SS18: variants seen among roughly 807,000 people sequenced by gnomAD.
SS18 encodes SS18 subunit of BAF chromatin remodeling complex.
Under a neutral mutation model 72.5 loss-of-function variants are expected in SS18, and 28 were observed. The ratio of observed to expected loss-of-function variants is 0.39; its 90% confidence interval spans 0.29 to 0.53. SS18 has a LOEUF of 0.53. Ranked by LOEUF, SS18 falls within the 20% of genes least tolerant of loss-of-function variation. The pLI, the probability that SS18 is intolerant of heterozygous loss-of-function variation, is 0.76. For missense variants in SS18, 518 were observed against 535.3 expected, an observed-to-expected ratio of 0.97 and a Z score of 0.32; for synonymous variants, 172 against 164.2, an observed-to-expected ratio of 1.05 and a Z score of -0.37.
intron 3 of SS18, among the ~76,000 whole-genome samples, chr18:26,065,821 A>ATATATATATATATATATATG (rs1446929470): frequency 1.4e-5 from 2 of 139,460 alleles, no homozygotes; most frequent in Non-Finnish European, 3.1e-5. Flanking sequence ...ATATATATAT[A>ATATATATATATATATATATG]TATGATCATT....
intron 3 of SS18, among the ~76,000 whole-genome samples, chr18:26,063,566 TAAA>T (rs2054162747): frequency 6.6e-6 from 1 of 152,004 alleles, no homozygotes; most frequent in Non-Finnish European, 1.5e-5. Flanking sequence ...AAATTATTCA[TAAA>T]AGAAGAAATC....
At chr18:26,063,685 T>G (rs545103047) in intron 3 of SS18, among the ~76,000 whole-genome samples, 147 of 152,188 alleles carry the variant, frequency 9.7e-4, no homozygotes, top group Admixed American at 4.0e-3. Context: ...AGCTTTAAAA[T>G]GCATATTTAC....
intron 10 of SS18, among the ~76,000 whole-genome samples, chr18:26,024,200 C>T (rs972461973): frequency 3.9e-5 from 6 of 152,058 alleles, no homozygotes; most frequent in South Asian, 2.1e-4. Flanking sequence ...TATTTGAAAA[C>T]GAAATTACAG....
At position 26,066,608 on chromosome 18, in the gene SS18, A is replaced by G. The variant is rs867772075; in HGVS notation, c.232-8866T>C. Among the ~76,000 whole-genome samples, 483 of 151,456 alleles carry G rather than the reference A, an allele frequency of 3.2e-3. 1 individual carries two copies. Among genetic ancestry groups the G allele is most frequent in the African/African-American group, 7.9e-3 (329 of 41,434 alleles). ...TAGTTCTGGAAATTTGTGCACACACACACACACACACACACACACACATTT... is the reference window on the plus strand; with the variant it reads ...TAGTTCTGGAAATTTGTGCACACACGCACACACACACACACACACACATTT... On this transcript the variant is annotated intron_variant, in intron 3 of 10. Transcript: ENST00000415083.
intron 5 of SS18, 71 bp downstream of exon 5, chr18:26,052,553 T>C: frequency 7.9e-7 from 1 of 1,270,314 alleles, no homozygotes; most frequent in Non-Finnish European, 1.1e-6. Flanking sequence ...GCTAAGAACC[T>C]GACAACAATC....
chr18:26,032,329 T>TA (rs1352874054), intron 10 of SS18, 70 bp downstream of exon 10: 52 of 1,559,018 alleles, frequency 3.3e-5, no homozygotes, highest in Middle Eastern at 1.7e-4. Context: ...AAATAAATTT[T>TA]AAAAAAAAGT....
chr18:26,086,715 G>A (rs2054621551), intron 2 of SS18, among the ~76,000 whole-genome samples: 1 of 152,166 alleles, frequency 6.6e-6, no homozygotes, highest in Admixed American at 6.5e-5. Flanking sequence ...AAGTAAGAAA[G>A]TTTGGCCCTT....
intron 5 of SS18, among the ~76,000 whole-genome samples, chr18:26,044,741 T>G (rs1314747816): frequency 6.6e-6 from 1 of 152,018 alleles, no homozygotes; most frequent in East Asian, 1.9e-4. Flanking sequence ...TTCCTGTAGC[T>G]CCTTTCATCC....
intron 1 of SS18, among the ~76,000 whole-genome samples, chr18:26,087,983 T>C (rs1273660767): frequency 6.6e-6 from 1 of 152,200 alleles, no homozygotes; most frequent in Non-Finnish European, 1.5e-5. Context: ...AACTGAGTTT[T>C]TTCCCTTCAG....
chr18:26,026,302 T>A (rs2053446478), intron 10 of SS18, among the ~76,000 whole-genome samples: 1 of 152,174 alleles, frequency 6.6e-6, no homozygotes, highest in African/African-American at 2.4e-5. Context: ...AGGATATATA[T>A]CATGACCAAA....
At chr18:26,051,569 T>C (rs2053924621) in intron 5 of SS18, among the ~76,000 whole-genome samples, 1 of 152,196 alleles carries the variant, frequency 6.6e-6, no homozygotes, top group Admixed American at 6.5e-5. Flanking sequence ...TCTCTCCTGG[T>C]AACCAAACTG....
At chr18:26,048,509 G>A (rs762950455) in intron 5 of SS18, among the ~76,000 whole-genome samples, 1 of 152,172 alleles carries the variant, frequency 6.6e-6, no homozygotes, top group Non-Finnish European at 1.5e-5. Context: ...CCTATCTCAA[G>A]CACCTCCTTT....
At chr18:26,038,759 T>C (rs1021594935) in intron 6 of SS18, 100 bp from the exon 7 acceptor site, 16 of 1,100,150 alleles carry the variant, frequency 1.5e-5, no homozygotes, top group Non-Finnish European at 2.2e-5. Context: ...TTCTCAACTA[T>C]AGATTCCCAT....
chr18:26,081,376 A>C (rs887937413), intron 2 of SS18: 2 of 152,186 alleles, frequency 1.3e-5, no homozygotes, highest in African/African-American at 4.8e-5. Flanking sequence ...CTTTTAGTAG[A>C]GATGGGGTTT....
chr18:26,080,711 G>A (rs1450671224), intron 2 of SS18, among the ~76,000 whole-genome samples: 1 of 152,096 alleles, frequency 6.6e-6, no homozygotes, highest in Non-Finnish European at 1.5e-5. Flanking sequence ...GCAAAGTCTT[G>A]TATATTTTTT....
intron 9 of SS18, 97 bp from the exon 10 acceptor site, chr18:26,032,629 ATCT>A: frequency 7.3e-7 from 1 of 1,363,706 alleles, no homozygotes; most frequent in Admixed American, 2.4e-5. Context: ...GTATTTTTCT[ATCT>A]AAGCTAAAAA....
At chr18:26,062,557 A>C (rs1212565563) in intron 3 of SS18, among the ~76,000 whole-genome samples, 1 of 152,230 alleles carries the variant, frequency 6.6e-6, no homozygotes, top group Non-Finnish European at 1.5e-5. Flanking sequence ...ATCATGTTCT[A>C]CATTAAATGT....
At position 26,043,501 on chromosome 18, in the gene SS18, T is replaced by C. The variant is rs146204303; in HGVS notation, c.608-4045A>G. On this transcript the variant is annotated intron_variant, in intron 5 of 10. Coordinates refer to ENST00000415083, the MANE Select transcript of SS18 (RefSeq NM_001007559.3). ...AACCATTTAATCTCTAACCCAATTA[T>C]AGCTCTTATTTGGAGTTATTTCTAA... is the stretch of plus-strand genomic sequence containing the variant. Among the ~76,000 whole-genome samples, 6 of 152,352 alleles carry C rather than the reference T, an allele frequency of 3.9e-5. No individual in the cohort carries two copies. In the East Asian group the frequency reaches 1.2e-3, roughly 29 times the overall value.
chr18:26,024,626 G>A (rs1307405003), intron 10 of SS18, among the ~76,000 whole-genome samples: 1 of 152,060 alleles, frequency 6.6e-6, no homozygotes, highest in Admixed American at 6.6e-5. Context: ...CTACCTTTTT[G>A]AATATGCTTA....
Sources: allele counts gnomAD v4.1 joint callset (sites outside exome capture counted in the v4.1 genomes callset), GRCh38; gene constraint gnomAD v4.1.1; transcripts MANE v1.5; gene names NCBI Gene and HGNC (gene_info 2026-07-23, HGNC 2026-07-21).